The following GATAD2A variants were observed in gnomAD, a reference collection of about 807,000 sequenced individuals.
The protein encoded by GATAD2A is GATA zinc finger domain containing 2A.
GATAD2A carries 12 observed loss-of-function variants against 68.5 expected under a neutral mutation model. The observed-to-expected ratio is 0.18, with a 90% CI of 0.11 to 0.28. The LOEUF is 0.28. Ranked by LOEUF, GATAD2A falls within the 10% of genes least tolerant of loss-of-function variation. The pLI is 1.00. For synonymous variants in GATAD2A, 410 were observed against 375.3 expected, an observed-to-expected ratio of 1.09 and a Z score of -1.07; for missense variants, 755 against 868.5, an observed-to-expected ratio of 0.87 and a Z score of 1.64.
At chr19:19,453,347 A>AATT (rs1404729942) in intron 1 of GATAD2A, among the ~76,000 whole-genome samples, 1 of 152,200 alleles carries the variant, frequency 6.6e-6, no homozygotes, top group African/African-American at 2.4e-5. Context: ...TGAGTGTTCT[A>AATT]AGTGTGGGCT....
intron 1 of GATAD2A, among the ~76,000 whole-genome samples, chr19:19,441,389 T>A (rs1035135524): frequency 1.3e-5 from 2 of 151,574 alleles, no homozygotes; most frequent in Admixed American, 6.6e-5. Flanking sequence ...CTAGCTTTTT[T>A]ATTTTTATTT....
intron 2 of GATAD2A, among the ~76,000 whole-genome samples, chr19:19,471,043 G>A (rs1437395659): frequency 6.6e-6 from 1 of 152,128 alleles, no homozygotes; most frequent in East Asian, 1.9e-4. Context: ...ATCACCTGAG[G>A]TCAAGAGTTT....
intron 1 of GATAD2A, among the ~76,000 whole-genome samples, chr19:19,412,072 C>G (rs1023724319): frequency 4.2e-5 from 6 of 141,690 alleles, no homozygotes; most frequent in African/African-American, 1.9e-4. Flanking sequence ...TCCCCCATCT[C>G]TCTCTCTCTC....
intron 1 of GATAD2A, chr19:19,441,731 A>C (rs1233077783): frequency 5.3e-5 from 9 of 169,212 alleles, no homozygotes; most frequent in Non-Finnish European, 1.2e-4. Context: ...CGCCCGGCTA[A>C]TTTTTTGTAT....
chr19:19,450,801 G>A (rs1489623405), intron 1 of GATAD2A, among the ~76,000 whole-genome samples: 1 of 144,792 alleles, frequency 6.9e-6, no homozygotes, highest in Admixed American at 7.0e-5. Flanking sequence ...ACGGAGTTTT[G>A]CTCTTGTCTC....
intron 1 of GATAD2A, among the ~76,000 whole-genome samples, chr19:19,426,373 A>C (rs931640585): frequency 6.6e-6 from 1 of 152,176 alleles, no homozygotes; most frequent in African/African-American, 2.4e-5. Flanking sequence ...TGGCTGTGAG[A>C]CAAGGCTAGA....
At chr19:19,428,637 G>A (rs2053363925) in intron 1 of GATAD2A, among the ~76,000 whole-genome samples, 2 of 152,224 alleles carry the variant, frequency 1.3e-5, no homozygotes, top group African/African-American at 2.4e-5. Context: ...GCCAGGGAGC[G>A]AGAGGGGTGT....
chr19:19,472,954 C>G (rs2058421078), intron 2 of GATAD2A, among the ~76,000 whole-genome samples: 1 of 152,056 alleles, frequency 6.6e-6, no homozygotes, highest in African/African-American at 2.4e-5. Flanking sequence ...TTTGGAAGAC[C>G]ATGTCATGAA....
chr19:19,453,680 A>ATTTTTTTTTTTTTTTTTTT (rs36010983), intron 1 of GATAD2A, among the ~76,000 whole-genome samples: 1 of 143,106 alleles, frequency 7.0e-6, no homozygotes, highest in Non-Finnish European at 1.5e-5. Context: ...TTTTTTTAAA[A>ATTTTTTTTTTTTTTTTTTT]TTTTTTTTTT....
intron 2 of GATAD2A, among the ~76,000 whole-genome samples, chr19:19,487,568 C>T (rs1163626256): frequency 1.3e-5 from 2 of 152,026 alleles, no homozygotes; most frequent in African/African-American, 4.8e-5. Flanking sequence ...TCTTGGGAAG[C>T]TCTGGGGGGT....
intron 1 of GATAD2A, among the ~76,000 whole-genome samples, chr19:19,418,959 A>AGTTAG (rs945201727): frequency 3.3e-5 from 5 of 152,082 alleles, no homozygotes; most frequent in African/African-American, 1.2e-4. Context: ...GTATCAGATG[A>AGTTAG]GTTAGGTGGG....
chr19:19,463,956 A>G (rs1312186934), intron 1 of GATAD2A, among the ~76,000 whole-genome samples: 1 of 152,218 alleles, frequency 6.6e-6, no homozygotes, highest in African/African-American at 2.4e-5. Flanking sequence ...GCTATTGCTC[A>G]TTTGTGAAAT....
At chr19:19,401,306 C>G (rs1182985066), upstream of GATAD2A, among the ~76,000 whole-genome samples, 1 of 150,540 alleles carries the variant, frequency 6.6e-6, no homozygotes, top group Non-Finnish European at 1.5e-5. Flanking sequence ...CTCCGCCTCC[C>G]GGGTTCACGC....
intron 1 of GATAD2A, among the ~76,000 whole-genome samples, chr19:19,433,242 G>A (rs2053944834): frequency 6.6e-6 from 1 of 152,198 alleles, no homozygotes; most frequent in South Asian, 2.1e-4. Flanking sequence ...GCAGAGTAGG[G>A]TAGTTGGATC....
At chr19:19,459,779 C>CGT (rs567527529) in intron 1 of GATAD2A, among the ~76,000 whole-genome samples, 3 of 152,212 alleles carry the variant, frequency 2.0e-5, no homozygotes, top group Non-Finnish European at 2.9e-5. Flanking sequence ...GGCCAGCCAG[C>CGT]GTGTGTGTGA....
chr19:19,428,920 A>G lies in GATAD2A; in HGVS notation c.-7+22901A>G, dbSNP rs367627265. ...CGCCCCGAAGCTCTGGACTCACCCC[A>G]GGGGCTGTGCCGTGCCCATGGCTGT... On this transcript the variant is annotated intron_variant, in intron 1 of 11. Coordinates refer to ENST00000683918, the MANE Select transcript of GATAD2A (RefSeq NM_001384528.1). Among the ~76,000 whole-genome samples the G allele has an allele frequency of 3.9e-5, 6 of 152,114 alleles. No homozygotes were observed. The South Asian group carries it at 1.2e-3, about 32-fold the overall frequency.
Position 19,506,827 on chromosome 19 carries a change from C to A in GATAD2A, c.*1353C>A, listed in dbSNP as rs577849217. 4 of 152,334 alleles carry A rather than the reference C, an allele frequency of 2.6e-5. No individual in the cohort carries two copies. Among genetic ancestry groups the A allele is most frequent in the African/African-American group, 7.2e-5 (3 of 41,566 alleles). The allele number at this position is 152,334 out of a possible 1,614,324, so 9.4% of individuals were successfully genotyped here. On this transcript the variant is annotated 3_prime_UTR_variant, in exon 12 of 12. Coordinates refer to ENST00000683918, the MANE Select transcript of GATAD2A (RefSeq NM_001384528.1). Reference sequence around the variant, plus strand: ...GTGCCCACGTACATACGTATGTCTCCATGAGTTCTGGGCTCCACTGGTTCC... The same window carrying A: ...GTGCCCACGTACATACGTATGTCTCAATGAGTTCTGGGCTCCACTGGTTCC...
intron 1 of GATAD2A, among the ~76,000 whole-genome samples, chr19:19,461,340 CTTAAT>C (rs1177784167): frequency 1.3e-5 from 2 of 152,162 alleles, no homozygotes; most frequent in Non-Finnish European, 2.9e-5. Flanking sequence ...GTGTCATGTA[CTTAAT>C]TTCTCTTTTA....
intron 1 of GATAD2A, among the ~76,000 whole-genome samples, chr19:19,390,210 A>C (rs1378740096): frequency 6.6e-6 from 1 of 152,172 alleles, no homozygotes; most frequent in African/African-American, 2.4e-5. Flanking sequence ...CAAAATTGGC[A>C]TGTTATTAAA....
Sources: allele counts gnomAD v4.1 joint callset (sites outside exome capture counted in the v4.1 genomes callset), GRCh38; gene constraint gnomAD v4.1.1; transcripts MANE v1.5; gene names NCBI Gene and HGNC (gene_info 2026-07-23, HGNC 2026-07-21).